FOXP1: variants seen among roughly 807,000 people sequenced by gnomAD.
FOXP1 encodes the protein forkhead box P1.
A neutral mutation model predicts 98.2 loss-of-function variants in FOXP1; 15 were observed. That is an observed-to-expected ratio of 0.15 (90% confidence interval 0.10 to 0.24). The LOEUF (loss-of-function observed/expected upper bound fraction) is 0.24, where lower values mean the gene tolerates loss of function less well. Among genes scored for constraint, FOXP1 ranks in the 10% least tolerant of loss-of-function variants. FOXP1 has a pLI of 1.00. For synonymous variants in FOXP1, 371 were observed against 314.5 expected, an observed-to-expected ratio of 1.18 and a Z score of -1.90; for missense variants, 633 against 848.5, an observed-to-expected ratio of 0.75 and a Z score of 3.15.
intron 5 of FOXP1, among the ~76,000 whole-genome samples, chr3:71,273,046 C>A (rs116568703): frequency 1.3e-5 from 2 of 152,154 alleles, no homozygotes; most frequent in Non-Finnish European, 2.9e-5. Context: ...CTCGTGTGTG[C>A]GCATCCATCT....
intron 3 of FOXP1, among the ~76,000 whole-genome samples, chr3:71,370,363 C>A (rs189337479): frequency 6.6e-6 from 1 of 152,198 alleles, no homozygotes; most frequent in Admixed American, 6.5e-5. Context: ...CACACTGACA[C>A]TGCTTTTCTA....
At chr3:71,544,848 C>T (rs375263199) in intron 2 of FOXP1, among the ~76,000 whole-genome samples, 5 of 150,756 alleles carry the variant, frequency 3.3e-5, no homozygotes, top group African/African-American at 9.7e-5. Flanking sequence ...GATAATAGGG[C>T]TTTTTTTTTC....
chr3:71,158,119 G>A lies in FOXP1; in HGVS notation c.180+40083C>T, dbSNP rs113672887. Among the ~76,000 whole-genome samples, 312 of 55,090 alleles carry A rather than the reference G, an allele frequency of 5.7e-3. 4 individuals carry two copies. The highest frequency in any genetic ancestry group is 9.5e-3 in the Non-Finnish European group (207 of 21,702). The allele number at this position is 55,090 out of a possible 152,430, so 36.1% of individuals were successfully genotyped here. ...AGGAAGGAAGGAAGGGAGGGAGGGA[G>A]GGAGGGAGGGAGGGAGGGAGGCAGG... On this transcript the variant is annotated intron_variant, in intron 6 of 20. Coordinates refer to ENST00000649528, the MANE Select transcript of FOXP1 (RefSeq NM_001349338.3).
chr3:70,966,139 C>G, intron 19 of FOXP1, 83 bp from the exon 20 acceptor site: 1 of 1,187,212 alleles, frequency 8.4e-7, no homozygotes, highest in South Asian at 1.2e-5. Context: ...ACTCGATAAT[C>G]TTCAGTTTGA....
chr3:70,987,783 C>A (rs567264882), intron 14 of FOXP1, among the ~76,000 whole-genome samples: 1 of 152,302 alleles, frequency 6.6e-6, no homozygotes, highest in East Asian at 1.9e-4. Context: ...TGGGCAAGGA[C>A]CATATCTGAA....
At chr3:71,506,166 C>T (rs1364839993) in intron 2 of FOXP1, among the ~76,000 whole-genome samples, 1 of 152,200 alleles carries the variant, frequency 6.6e-6, no homozygotes, top group Non-Finnish European at 1.5e-5. Flanking sequence ...AAATTCTCCA[C>T]TGAGCCTTAG....
rs765850431 is a variant in FOXP1 at position 71,300,450 on chromosome 3, A to G, written c.-72-570T>C. Among the ~76,000 whole-genome samples the G allele has an allele frequency of 6.1e-4, 93 of 152,180 alleles. 1 individual carries two copies. Among genetic ancestry groups the G allele is most frequent in the Non-Finnish European group, 1.2e-3 (84 of 68,034 alleles). ...AATGTTTTTCTCTTACCATGTATCT[A>G]CCGGAGCTACTAAGTTAAATTAAAA... On this transcript the variant is annotated intron_variant, in intron 4 of 20. Coordinates refer to ENST00000649528, the MANE Select transcript of FOXP1 (RefSeq NM_001349338.3).
At chr3:71,064,111 G>A (rs981610892) in intron 7 of FOXP1, among the ~76,000 whole-genome samples, 1 of 152,158 alleles carries the variant, frequency 6.6e-6, no homozygotes, top group African/African-American at 2.4e-5. Flanking sequence ...GCCAAGTAAT[G>A]CAACAGAGGC....
chr3:71,143,941 T>C (rs561508880), intron 6 of FOXP1, among the ~76,000 whole-genome samples: 11 of 152,310 alleles, frequency 7.2e-5, no homozygotes, highest in Admixed American at 1.3e-4. Flanking sequence ...CTTTTACTAA[T>C]GACTTTTCAC....
At chr3:71,180,768 T>C (rs1233767918) in intron 6 of FOXP1, among the ~76,000 whole-genome samples, 4 of 152,126 alleles carry the variant, frequency 2.6e-5, no homozygotes, top group Non-Finnish European at 5.9e-5. Context: ...CCAGTAAAAG[T>C]TGTGTTTTTT....
chr3:71,278,434 T>C (rs1049446668), intron 5 of FOXP1, among the ~76,000 whole-genome samples: 3 of 152,204 alleles, frequency 2.0e-5, no homozygotes, highest in African/African-American at 7.2e-5. Flanking sequence ...AAAACCCAGC[T>C]TGCCTCCATC....
intron 3 of FOXP1, among the ~76,000 whole-genome samples, chr3:71,437,159 T>A (rs1357466005): frequency 6.6e-6 from 1 of 152,124 alleles, no homozygotes; most frequent in Non-Finnish European, 1.5e-5. Context: ...ATTCCTGTAA[T>A]CCAAGCACTC....
At chr3:71,573,131 C>A (rs529794147) in intron 2 of FOXP1, among the ~76,000 whole-genome samples, 126 of 152,284 alleles carry the variant, frequency 8.3e-4, no homozygotes, top group Admixed American at 1.8e-3. Context: ...TCACTTCTAA[C>A]AAAGAGATAC....
At chr3:71,341,818 C>T (rs766439822) in intron 4 of FOXP1, among the ~76,000 whole-genome samples, 6 of 152,202 alleles carry the variant, frequency 3.9e-5, no homozygotes, top group African/African-American at 1.2e-4. Context: ...TAAGACTGAA[C>T]GACTTCTACA....
intron 2 of FOXP1, among the ~76,000 whole-genome samples, chr3:71,558,287 C>T (rs1027042912): frequency 1.3e-5 from 2 of 152,160 alleles, no homozygotes; most frequent in Non-Finnish European, 2.9e-5. Context: ...CCTTCCCTAA[C>T]AGGGGCCATT....
chr3:70,974,757 A>G (rs749021996), intron 17 of FOXP1, among the ~76,000 whole-genome samples: 2 of 152,232 alleles, frequency 1.3e-5, no homozygotes, highest in African/African-American at 4.8e-5. Context: ...AGAAGTCAAC[A>G]TTGCTCCTAA....
chr3:71,473,464 C>T (rs1027259427), intron 3 of FOXP1, among the ~76,000 whole-genome samples: 2 of 152,120 alleles, frequency 1.3e-5, no homozygotes, highest in Non-Finnish European at 2.9e-5. Context: ...ATATGTCCTT[C>T]CTCTAAGCAT....
chr3:71,060,210 G>C (rs2051282637), intron 7 of FOXP1, among the ~76,000 whole-genome samples: 1 of 152,086 alleles, frequency 6.6e-6, no homozygotes, highest in Non-Finnish European at 1.5e-5. Context: ...CATTTCCGAA[G>C]TTTTATAAGG....
At chr3:71,293,069 G>T (rs1160782103) in intron 5 of FOXP1, among the ~76,000 whole-genome samples, 1 of 152,050 alleles carries the variant, frequency 6.6e-6, no homozygotes, top group South Asian at 2.1e-4. Flanking sequence ...ATACTGAGGG[G>T]GTAGGCCCAC....
Sources: gnomAD v4.1 joint callset for allele counts (sites outside exome capture counted in the v4.1 genomes callset) on GRCh38, gnomAD v4.1.1 for gene constraint, MANE v1.5 for transcripts, NCBI Gene and HGNC (gene_info 2026-07-23, HGNC 2026-07-21) for gene names.